Variants in APBB2 observed in about 807,000 individuals in gnomAD.
The protein encoded by APBB2 is Fe65-like 1.
APBB2 carries 38 observed loss-of-function variants against 82.5 expected under a neutral mutation model. The observed-to-expected ratio is 0.46, with a 90% CI of 0.36 to 0.60. The LOEUF (loss-of-function observed/expected upper bound fraction) is 0.60. APBB2 is among the 20% of genes least tolerant of loss of function. The pLI is 0.00. For synonymous variants in APBB2, 341 were observed against 368.2 expected, an observed-to-expected ratio of 0.93 and a Z score of 0.85; for missense variants, 772 against 972.3, an observed-to-expected ratio of 0.79 and a Z score of 2.74.
In APBB2 at chr4:40,885,591, G is replaced by A. The variant is rs1044069701; in HGVS notation, c.1529+4773C>T. Among the ~76,000 whole-genome samples the A allele has an allele frequency of 3.9e-5, 6 of 152,188 alleles. No individual in the cohort carries two copies. In the South Asian group the frequency reaches 1.0e-3, roughly 26 times the overall value. On this transcript the variant is annotated intron_variant, in intron 12 of 17. Coordinates refer to ENST00000508593, the MANE Select transcript of APBB2 (RefSeq NM_004307.2). ...CCATTCTTGGGGTTTGGATGGGTGA[G>A]TGTGTTTCTCATAGTTGCCATTCAT...
chr4:40,998,815 G>A (rs1404628150), intron 6 of APBB2, among the ~76,000 whole-genome samples: 2 of 152,098 alleles, frequency 1.3e-5, no homozygotes, highest in East Asian at 3.8e-4. Context: ...TGCTACAACA[G>A]CTGATCTGGA....
At chr4:41,007,675 T>C (rs1542989) in intron 6 of APBB2, among the ~76,000 whole-genome samples, 6,999 of 152,316 alleles carry the variant, frequency 0.046, 341 homozygotes, top group African/African-American at 0.13. Context: ...CAAATTGTTA[T>C]TACTTTTTCT....
At position 40,830,552 on chromosome 4, in the gene APBB2, T is replaced by C; in HGVS notation, c.1555A>G (p.Lys519Glu). Reference sequence around the variant, plus strand: ...TGACATTTCAAAATTCTTGTATCTTTATCTCTTGCTACATAAGCAAAATCC... The same window carrying C: ...TGACATTTCAAAATTCTTGTATCTTCATCTCTTGCTACATAAGCAAAATCC... Reference protein sequence around the residue: ...GRDFAYVARDKDTRILKCHVF... With the variant: ...GRDFAYVARDEDTRILKCHVF... The change falls in exon 13 of 18, where the codon AAA becomes GAA. Residue 519 changes from lysine (K) to glutamate (E), a missense_variant. Transcript: ENST00000508593. The C allele has an allele frequency of 6.2e-7, 1 of 1,613,904 alleles. No individual in the cohort carries two copies. Among genetic ancestry groups the C allele is most frequent in the South Asian group, 1.1e-5 (1 of 91,082 alleles).
intron 1 of APBB2, among the ~76,000 whole-genome samples, chr4:41,159,596 G>A (rs544961058): frequency 2.0e-5 from 3 of 152,070 alleles, no homozygotes; most frequent in Non-Finnish European, 4.4e-5. Context: ...CTTAGGCCTA[G>A]TATCCTATCT....
At chr4:41,197,254 G>A in intron 1 of APBB2, among the ~76,000 whole-genome samples, 1 of 152,120 alleles carries the variant, frequency 6.6e-6, no homozygotes, top group South Asian at 2.1e-4. Flanking sequence ...AATGGTGAAA[G>A]TTGTTTTCAA....
At chr4:40,975,807 C>T (rs183110488) in intron 6 of APBB2, among the ~76,000 whole-genome samples, 1 of 146,206 alleles carries the variant, frequency 6.8e-6, no homozygotes, top group East Asian at 2.0e-4. Flanking sequence ...ACTCTACTTT[C>T]CCCTATATAA....
At chr4:41,034,003 G>A (rs1718124290) in intron 4 of APBB2, among the ~76,000 whole-genome samples, 2 of 152,254 alleles carry the variant, frequency 1.3e-5, no homozygotes, top group South Asian at 4.1e-4. Context: ...ACAATCTAAG[G>A]ACAGGACACT....
chr4:41,184,509 C>G (rs1227564783), intron 1 of APBB2, among the ~76,000 whole-genome samples: 2 of 152,174 alleles, frequency 1.3e-5, no homozygotes, highest in African/African-American at 4.8e-5. Context: ...CCCCAGAGCC[C>G]TTAATTCCTT....
chr4:41,161,889 C>T (rs192006150), intron 1 of APBB2, among the ~76,000 whole-genome samples: 40 of 152,196 alleles, frequency 2.6e-4, no homozygotes, highest in Admixed American at 1.5e-3. Flanking sequence ...CACATACAAA[C>T]GTAGAAAGAA....
intron 6 of APBB2, among the ~76,000 whole-genome samples, chr4:40,953,196 G>A (rs1421913807): frequency 6.6e-6 from 1 of 151,286 alleles, no homozygotes; most frequent in Non-Finnish European, 1.5e-5. Flanking sequence ...TACTTAGAAG[G>A]CTGAGGTAGG....
At chr4:41,147,649 C>G (rs1761158244) in intron 1 of APBB2, among the ~76,000 whole-genome samples, 1 of 152,102 alleles carries the variant, frequency 6.6e-6, no homozygotes, top group African/African-American at 2.4e-5. Flanking sequence ...CACCACCACA[C>G]CTGGCTAATT....
In APBB2 at chr4:40,815,046, G is replaced by C. The variant is rs896875742; in HGVS notation, c.*1046C>G. 11 of 152,546 alleles carry C rather than the reference G, an allele frequency of 7.2e-5. No homozygotes were observed. Among genetic ancestry groups the C allele is most frequent in the Admixed American group, 2.6e-4 (4 of 15,280 alleles). The allele number at this position is 152,546 out of a possible 1,614,324, so 9.4% of individuals were successfully genotyped here. A position where few individuals can be genotyped will look rare whatever the true frequency, so the allele number is the denominator to read the frequency against. Reference sequence around the variant, plus strand: ...GGGCAAAAAGCATCAGAGGGGGATAGAGCTGGATGCAGAATTCCAGCAGAA... The same window carrying C: ...GGGCAAAAAGCATCAGAGGGGGATACAGCTGGATGCAGAATTCCAGCAGAA... On this transcript the variant is annotated 3_prime_UTR_variant, in exon 18 of 18. Transcript: ENST00000508593.
chr4:41,161,737 T>C lies in APBB2; in HGVS notation c.-416-18595A>G, dbSNP rs549223659. Among the ~76,000 whole-genome samples the C allele has an allele frequency of 6.6e-4, 100 of 152,300 alleles. 1 individual carries two copies. In the East Asian group the frequency reaches 0.019, roughly 28 times the overall value. On this transcript the variant is annotated intron_variant, in intron 1 of 17. Transcript: ENST00000508593. ...GAAATGTTGAAAGAGTGGCTCCAAG[T>C]CACACAGGTAATTAGAGAGAAAGCT...
intron 2 of APBB2, among the ~76,000 whole-genome samples, chr4:41,122,649 CT>C (rs1043172208): frequency 6.6e-6 from 1 of 152,176 alleles, no homozygotes; most frequent in Admixed American, 6.5e-5. Context: ...ACTGTTGTGG[CT>C]GGTGAACTGA....
chr4:40,911,399 G>C (rs1778508815), intron 10 of APBB2, among the ~76,000 whole-genome samples: 1 of 152,116 alleles, frequency 6.6e-6, no homozygotes, highest in African/African-American at 2.4e-5. Context: ...ATGGTACCTG[G>C]TAAGCATACA....
chr4:41,084,320 A>G (rs1465935373), intron 3 of APBB2, among the ~76,000 whole-genome samples: 3 of 152,216 alleles, frequency 2.0e-5, no homozygotes, highest in Non-Finnish European at 4.4e-5. Context: ...GCTAATTAGG[A>G]GGCTGAAGCA....
intron 6 of APBB2, among the ~76,000 whole-genome samples, chr4:40,985,146 T>C (rs113513564): frequency 0.1 from 15,852 of 152,066 alleles, 886 homozygotes; most frequent in Admixed American, 0.16. Context: ...GACTTCTGGG[T>C]TCACATGATC....
At chr4:41,124,801 C>G (rs1753918045) in intron 2 of APBB2, among the ~76,000 whole-genome samples, 2 of 152,256 alleles carry the variant, frequency 1.3e-5, no homozygotes, top group East Asian at 1.9e-4. Context: ...ATCCTTCCAC[C>G]CAGATTTTGG....
intron 6 of APBB2, among the ~76,000 whole-genome samples, chr4:40,982,408 A>G (rs1397889347): frequency 2.2e-5 from 2 of 91,702 alleles, no homozygotes; most frequent in South Asian, 4.4e-4. Flanking sequence ...AAGGAAAGAA[A>G]GAAAGAAAGA....
Sources: gnomAD v4.1 joint callset for allele counts (sites outside exome capture counted in the v4.1 genomes callset) on GRCh38, gnomAD v4.1.1 for gene constraint, MANE v1.5 for transcripts, NCBI Gene and HGNC (gene_info 2026-07-23, HGNC 2026-07-21) for gene names.